SLC2A12: variants seen among roughly 807,000 people sequenced by gnomAD.
The protein encoded by SLC2A12 is solute carrier family 2, facilitated glucose transporter member 12.
In SLC2A12, 23 loss-of-function variants were observed where a neutral mutation model predicts 41.8. The observed-to-expected ratio is 0.55, with a 90% CI of 0.40 to 0.78. The LOEUF (loss-of-function observed/expected upper bound fraction) is 0.78. Among genes scored for constraint, SLC2A12 ranks in the 30% least tolerant of loss-of-function variants. The pLI is 0.00. For synonymous variants in SLC2A12, 295 were observed against 285.9 expected (o/e 1.03, Z -0.32); for missense variants, 654 against 745.6 (o/e 0.88, Z 1.43).
At chr6:133,991,390 C>T (rs1776621992) in intron 4 of SLC2A12, 82 bp from the exon 5 acceptor site, 3 of 1,434,504 alleles carry the variant, frequency 2.1e-6, no homozygotes, top group Non-Finnish European at 2.8e-6. Context: ...TTTTAAACCA[C>T]CCTGGGGCTT....
chr6:134,021,086 G>A (rs1485865086), intron 2 of SLC2A12, among the ~76,000 whole-genome samples: 2 of 152,134 alleles, frequency 1.3e-5, no homozygotes, highest in African/African-American at 4.8e-5. Flanking sequence ...GCCAAAATCA[G>A]AAAGATATTT....
intron 4 of SLC2A12, among the ~76,000 whole-genome samples, chr6:133,995,524 T>C (rs1218524299): frequency 6.6e-6 from 1 of 152,124 alleles, no homozygotes; most frequent in African/African-American, 2.4e-5. Context: ...GAGAAAGTGA[T>C]CTGGAACATG....
In SLC2A12 at chr6:134,028,527, G is replaced by A. The variant is rs1422109858; in HGVS notation, c.1298C>T (p.Thr433Ile). ...TCCAGCATTTAGCAAGGATGCTGAGGTCGTCTCCCCTCTCTTATCCACATC... is the reference window on the plus strand; with the variant it reads ...TCCAGCATTTAGCAAGGATGCTGAGATCGTCTCCCCTCTCTTATCCACATC... ...RNDVDKRGET[T>I]SASLLNAGLS... The change falls in exon 2 of 5, where the codon ACC (threonine) becomes ATC (isoleucine). Residue 433 changes from threonine to isoleucine, a missense_variant. Around this residue, in one of 3 missense-constraint regions of SLC2A12, gnomAD observed 411 missense variants for 412.1 expected, o/e 1.00. Coordinates refer to ENST00000275230, the MANE Select transcript of SLC2A12 (RefSeq NM_145176.3). 3 of 1,614,196 alleles carry A rather than the reference G, an allele frequency of 1.9e-6. No individual in the cohort carries two copies. The highest frequency in any genetic ancestry group is 2.7e-5 in the African/African-American group (2 of 75,052).
chr6:134,035,725 C>A (rs904058658), intron 1 of SLC2A12, among the ~76,000 whole-genome samples: 1 of 152,206 alleles, frequency 6.6e-6, no homozygotes, highest in Non-Finnish European at 1.5e-5. Flanking sequence ...CTTTCTGTCT[C>A]CACACTGCGT....
At chr6:134,032,473 T>TATATATATATATATATATATATATAA (rs1777231792) in intron 1 of SLC2A12, among the ~76,000 whole-genome samples, 1 of 59,832 alleles carries the variant, frequency 1.7e-5, no homozygotes, top group African/African-American at 5.2e-5. Context: ...TATTTTTATA[T>TATATATATATATATATATATATATAA]ATATATATAT....
chr6:134,005,048 T>C (rs1776795676), intron 3 of SLC2A12, among the ~76,000 whole-genome samples: 1 of 152,236 alleles, frequency 6.6e-6, no homozygotes, highest in African/African-American at 2.4e-5. Flanking sequence ...TTTAGCTCTA[T>C]CATTCTTTGT....
At position 133,987,640 on chromosome 6, in the gene SLC2A12, GTGTGTGTGTA is replaced by G. The variant is rs1181145357; in HGVS notation, c.*3505_*3514del. The stretch of plus-strand genomic sequence containing the variant: ...AAGTGTATTTTGTGTGTGTGTGTGT[GTGTGTGTGTA>G]TATATATATATATATATGCACCACA... On this transcript the variant is annotated 3_prime_UTR_variant, in exon 5 of 5. Coordinates refer to ENST00000275230, the MANE Select transcript of SLC2A12 (RefSeq NM_145176.3). The G allele has an allele frequency of 7.5e-6, 1 of 133,508 alleles. No individual in the cohort carries two copies. The highest frequency in any genetic ancestry group is 1.7e-5 in the Non-Finnish European group (1 of 60,562). 8.3% of individuals were successfully genotyped at this position (133,508 alleles called of 1,614,324 possible). A position where few individuals can be genotyped will look rare whatever the true frequency, so the allele number is the denominator to read the frequency against.
rs1776628493 is a variant in SLC2A12, at chr6:133,991,913, GC to G, written c.1701-606del. 2.6e-5 allele frequency among the ~76,000 whole-genome samples: 4 copies of G among 152,152 alleles called. No homozygotes were observed. In the South Asian group the frequency reaches 8.3e-4, roughly 32 times the overall value. The stretch of plus-strand genomic sequence containing the variant: ...TACTTAGATTTTAGAGGGGAGACGA[GC>G]TTATAACTTGAAGTAGTAAAAGTGC... On this transcript the variant is annotated intron_variant, in intron 4 of 4. Transcript: ENST00000275230.
intron 2 of SLC2A12, among the ~76,000 whole-genome samples, chr6:134,027,505 GAGAA>G (rs1016665267): frequency 2.0e-5 from 3 of 152,198 alleles, no homozygotes; most frequent in African/African-American, 2.4e-5. Context: ...AGGAATAAAA[GAGAA>G]AGAGAGAGAG....
At chr6:134,015,971 G>C (rs1776955802) in intron 2 of SLC2A12, among the ~76,000 whole-genome samples, 1 of 152,172 alleles carries the variant, frequency 6.6e-6, no homozygotes, top group Admixed American at 6.5e-5. Context: ...CAAAAAGCTA[G>C]GCTCTATGGT....
chr6:134,029,395 T>G lies in SLC2A12; in HGVS notation c.430A>C (p.Ile144Leu). ...CAAGTGGCAATGGAAGAGAGGGAGA[T>G]GGAGACCCCTATGGCAATGCGTCCC... ...IVGRIAIGVSISLSSIATCVY... is the reference protein window; with the variant it reads ...IVGRIAIGVSLSLSSIATCVY... Residue 144 changes from isoleucine to leucine, a missense_variant, in exon 2 of 5, where the codon ATC (isoleucine) becomes CTC (leucine). Ile to Leu is a conservative substitution (Grantham distance 5, BLOSUM62 2). This residue lies in a region of SLC2A12 where 411 missense variants were observed against 412.1 expected (regional missense o/e 1.00). Transcript: ENST00000275230. 6.2e-7 allele frequency: 1 copy of G among 1,614,154 alleles called. No individual in the cohort carries two copies. The highest frequency in any genetic ancestry group is 8.5e-7 in the Non-Finnish European group (1 of 1,180,036).
intron 1 of SLC2A12, among the ~76,000 whole-genome samples, chr6:134,030,052 T>C (rs536402665): frequency 6.6e-6 from 1 of 152,260 alleles, no homozygotes; most frequent in East Asian, 1.9e-4. Context: ...AAGAACATCA[T>C]TTGGTTCATG....
chr6:134,009,709 GTGGC>G (rs1776856176), intron 2 of SLC2A12, among the ~76,000 whole-genome samples: 1 of 146,920 alleles, frequency 6.8e-6, no homozygotes, highest in African/African-American at 2.7e-5. Flanking sequence ...GCCAGGTGTG[GTGGC>G]ACATGCCCGT....
chr6:134,011,310 A>G (rs2114440880), intron 2 of SLC2A12, among the ~76,000 whole-genome samples: 1 of 152,256 alleles, frequency 6.6e-6, no homozygotes, highest in Admixed American at 6.5e-5. Context: ...GCCCAAGTGG[A>G]AAAATTGGGT....
At chr6:134,020,999 C>T (rs1582610642) in intron 2 of SLC2A12, among the ~76,000 whole-genome samples, 1 of 152,280 alleles carries the variant, frequency 6.6e-6, no homozygotes. Flanking sequence ...ACTATGTATG[C>T]CTTAACAAAG....
intron 1 of SLC2A12, among the ~76,000 whole-genome samples, chr6:134,048,410 A>G (rs1020747560): frequency 6.6e-6 from 1 of 152,178 alleles, no homozygotes; most frequent in Non-Finnish European, 1.5e-5. Flanking sequence ...CAGCCTGGCC[A>G]GCATGGTAAA....
At chr6:134,011,308 G>A (rs1041340315) in intron 2 of SLC2A12, among the ~76,000 whole-genome samples, 6 of 152,092 alleles carry the variant, frequency 3.9e-5, no homozygotes, top group African/African-American at 1.4e-4. Context: ...TTGCCCAAGT[G>A]GAAAAATTGG....
In SLC2A12 at chr6:133,988,635, C is replaced by T. The variant is rs1478097188; in HGVS notation, c.*2520G>A. The stretch of plus-strand genomic sequence containing the variant: ...TTCTTCTCAATGCCTTCCCTAACCT[C>T]CTGCTTATTCCAAAGTGGAAAGCAA... On this transcript the variant is annotated 3_prime_UTR_variant, in exon 5 of 5. Transcript: ENST00000275230. 5 of 151,784 alleles carry T rather than the reference C, an allele frequency of 3.3e-5. No homozygotes were observed. The highest frequency in any genetic ancestry group is 2.0e-4 in the Admixed American group (3 of 15,240). 9.4% of individuals were successfully genotyped at this position (151,784 alleles called of 1,614,324 possible).
intron 2 of SLC2A12, among the ~76,000 whole-genome samples, chr6:134,027,015 C>T (rs1777122461): frequency 6.6e-6 from 1 of 152,114 alleles, no homozygotes; most frequent in Non-Finnish European, 1.5e-5. Flanking sequence ...CAGCCATGTG[C>T]AAGTCTAGTT....
Sources: allele counts gnomAD v4.1 joint callset (sites outside exome capture counted in the v4.1 genomes callset), GRCh38; gene constraint gnomAD v4.1.1; regional missense constraint gnomAD v4.1.1; transcripts MANE v1.5; gene names NCBI Gene and HGNC (gene_info 2026-07-23, HGNC 2026-07-21).